Variants in PCNX2 observed in about 807,000 individuals in gnomAD.
PCNX2 encodes pecanex 2.
PCNX2 carries 168 observed loss-of-function variants against 223.8 expected under a neutral mutation model. That is an observed-to-expected ratio of 0.75 (90% CI 0.66 to 0.85). The LOEUF (loss-of-function observed/expected upper bound fraction) is 0.85, where lower values mean the gene tolerates loss of function less well. PCNX2 is among the 40% of genes least tolerant of loss of function. The probability of loss-of-function intolerance (pLI) is 0.00; values close to 1 mark genes in which losing one functional copy is unlikely to be tolerated. For synonymous variants in PCNX2, 1,006 were observed against 1,052.6 expected (o/e 0.96, Z 0.86); for missense variants, 2,507 against 2,675.5 (o/e 0.94, Z 1.39).
At chr1:233,226,174 C>G (rs534195184) in intron 10 of PCNX2, among the ~76,000 whole-genome samples, 1 of 152,242 alleles carries the variant, frequency 6.6e-6, no homozygotes, top group South Asian at 2.1e-4. Context: ...CTACTCAGCC[C>G]CTGAACATCA....
At chr1:233,225,664 T>C (rs551339905) in intron 10 of PCNX2, among the ~76,000 whole-genome samples, 148 of 152,350 alleles carry the variant, frequency 9.7e-4, no homozygotes, top group African/African-American at 3.5e-3. Context: ...TCCAATTAAT[T>C]TTTTGTCACC....
chr1:233,102,636 A>G lies in PCNX2; in HGVS notation c.3838-6773T>C, dbSNP rs552183260. Among the ~76,000 whole-genome samples the G allele has an allele frequency of 1.5e-3, 225 of 152,254 alleles. 1 individual carries two copies. The highest frequency in any genetic ancestry group is 2.0e-3 in the Non-Finnish European group (134 of 68,010). On this transcript the variant is annotated intron_variant, in intron 21 of 33. Transcript: ENST00000258229. Reference sequence around the variant, plus strand: ...TTAGTGATGTAGAGCACTTTTTCATATACTTGTTGCCCATTTGTATGTCTT... The same window carrying G: ...TTAGTGATGTAGAGCACTTTTTCATGTACTTGTTGCCCATTTGTATGTCTT...
At chr1:233,169,236 T>A (rs1678985804) in intron 17 of PCNX2, among the ~76,000 whole-genome samples, 1 of 152,212 alleles carries the variant, frequency 6.6e-6, no homozygotes, top group South Asian at 2.1e-4. Context: ...CGGGGTATTG[T>A]GTGTGTGTTA....
At chr1:233,321,936 A>G in the PCNX2 span, among the ~76,000 whole-genome samples, 2 of 152,080 alleles carry the variant, frequency 1.3e-5, no homozygotes, top group Non-Finnish European at 1.5e-5. Context: ...GACCTTGTAG[A>G]CCCCCTGAAA....
the PCNX2 span, among the ~76,000 whole-genome samples, chr1:233,300,935 C>A: frequency 6.6e-6 from 1 of 152,164 alleles, no homozygotes; most frequent in African/African-American, 2.4e-5. Flanking sequence ...AACAGCTGGA[C>A]TGCAAGCCAT....
upstream of PCNX2, among the ~76,000 whole-genome samples, chr1:233,295,997 TC>T (rs1371023116): frequency 2.3e-3 from 332 of 143,528 alleles, 4 homozygotes; most frequent in Non-Finnish European, 3.7e-3. This position sits in a 1 kb window ranked among gnomAD's most constrained non-coding sequence, Gnocchi z 4.1. Context: ...TTTCTTTCTT[TC>T]TTTCTTTTTT....
intron 21 of PCNX2, among the ~76,000 whole-genome samples, chr1:233,104,807 A>ATT (rs35538488): frequency 1.3e-5 from 2 of 152,080 alleles, no homozygotes; most frequent in Non-Finnish European, 1.5e-5. Flanking sequence ...TATCATGCAC[A>ATT]GTTTTACAAT....
intron 21 of PCNX2, among the ~76,000 whole-genome samples, chr1:233,132,466 A>G (rs1421296283): frequency 6.6e-6 from 1 of 152,154 alleles, no homozygotes; most frequent in African/African-American, 2.4e-5. Context: ...GGATGAGGAA[A>G]GGCGGCCTGT....
At chr1:233,251,606 C>T (rs1350431844) in intron 7 of PCNX2, among the ~76,000 whole-genome samples, 1 of 152,142 alleles carries the variant, frequency 6.6e-6, no homozygotes, top group Non-Finnish European at 1.5e-5. Context: ...CATGTAAGTG[C>T]TAATGTTGTT....
intron 1 of PCNX2, chr1:233,291,011 A>AGG (rs1661732398): frequency 9.1e-6 from 9 of 985,286 alleles, no homozygotes; most frequent in Non-Finnish European, 1.1e-5. Flanking sequence ...AGTTGACCAC[A>AGG]ATGCCACTGG....
the PCNX2 span, among the ~76,000 whole-genome samples, chr1:233,316,280 A>G: frequency 6.6e-6 from 1 of 152,222 alleles, no homozygotes; most frequent in African/African-American, 2.4e-5. Flanking sequence ...AACCTAACAC[A>G]GGCTGAATTC....
intron 23 of PCNX2, among the ~76,000 whole-genome samples, chr1:233,075,738 C>CACACA (rs773006844): frequency 1.4e-5 from 2 of 147,836 alleles, no homozygotes; most frequent in African/African-American, 5.0e-5. Flanking sequence ...CACACACACA[C>CACACA]AACAGAAAAG....
intron 21 of PCNX2, among the ~76,000 whole-genome samples, chr1:233,130,326 A>C (rs1019635455): frequency 2.0e-5 from 3 of 151,322 alleles, no homozygotes; most frequent in African/African-American, 7.3e-5. Flanking sequence ...ACCCACAAAC[A>C]CACCCACGTA....
intron 21 of PCNX2, 120 bp from the exon 22 acceptor site, chr1:233,095,983 C>T (rs1674140766): frequency 4.5e-6 from 3 of 666,744 alleles, no homozygotes; most frequent in East Asian, 5.5e-5. Context: ...ACTCTCTGCC[C>T]TCTTACTGTG....
At chr1:233,261,930 G>T in intron 3 of PCNX2, 115 bp downstream of exon 3, 1 of 1,461,862 alleles carries the variant, frequency 6.8e-7, no homozygotes, top group Non-Finnish European at 9.5e-7. Context: ...CACTGTACAC[G>T]GGCCAGTGAT....
chr1:233,155,707 G>A (rs564656290), intron 19 of PCNX2, among the ~76,000 whole-genome samples: 2 of 152,054 alleles, frequency 1.3e-5, no homozygotes, highest in African/African-American at 4.8e-5. Context: ...CCCAATATTT[G>A]CTTTTTGAAA....
chr1:233,280,870 TTAA>T (rs1380096274), intron 1 of PCNX2, among the ~76,000 whole-genome samples: 8 of 152,262 alleles, frequency 5.3e-5, no homozygotes, highest in African/African-American at 1.2e-4. Flanking sequence ...AAAATAATTC[TTAA>T]TAATATTTTT....
chr1:233,089,917 G>A (rs925102629), intron 23 of PCNX2, 144 bp downstream of exon 23: 3 of 1,458,164 alleles, frequency 2.1e-6, no homozygotes, highest in Middle Eastern at 1.8e-4. Context: ...ATGAACTGAG[G>A]AGGTCATCAA....
intron 26 of PCNX2, chr1:233,019,028 T>C: frequency 1.0e-6 from 1 of 985,364 alleles, no homozygotes; most frequent in Non-Finnish European, 1.2e-6. Flanking sequence ...CCTCCCTCTG[T>C]CTGGGAAATA....
Sources: allele counts gnomAD v4.1 joint callset (sites outside exome capture counted in the v4.1 genomes callset), GRCh38; gene constraint gnomAD v4.1.1; non-coding constraint Gnocchi (gnomAD v3.1); transcripts MANE v1.5; gene names NCBI Gene and HGNC (gene_info 2026-07-23, HGNC 2026-07-21).